The following TMTC2 variants were observed in gnomAD, a reference collection of about 807,000 sequenced individuals.
TMTC2 encodes the protein transmembrane O-mannosyltransferase targeting cadherins 2.
In TMTC2, 43 loss-of-function variants were observed where a neutral mutation model predicts 82.4. That is an observed-to-expected ratio of 0.52 (90% CI 0.41 to 0.67). The LOEUF is 0.67. Among genes scored for constraint, TMTC2 ranks in the 30% least tolerant of loss-of-function variants. The pLI, the probability that TMTC2 is intolerant of heterozygous loss-of-function variation, is 0.00. For missense variants in TMTC2, 919 were observed against 1,012.4 expected, an observed-to-expected ratio of 0.91 and a Z score of 1.25; for synonymous variants, 408 against 381.9, an observed-to-expected ratio of 1.07 and a Z score of -0.80.
chr12:83,113,968 G>A (rs994126609), intron 11 of TMTC2, among the ~76,000 whole-genome samples: 4 of 152,104 alleles, frequency 2.6e-5, no homozygotes, highest in Admixed American at 2.6e-4. Context: ...TTCATTCTGC[G>A]AGTGGACAGT....
intron 10 of TMTC2, among the ~76,000 whole-genome samples, chr12:83,061,365 C>G (rs1882733486): frequency 6.6e-6 from 1 of 151,720 alleles, no homozygotes; most frequent in South Asian, 2.1e-4. Flanking sequence ...TCCTGCAGAT[C>G]TTTACTGTTT....
chr12:83,094,640 G>A (rs1035596990), intron 11 of TMTC2, among the ~76,000 whole-genome samples: 5 of 152,154 alleles, frequency 3.3e-5, no homozygotes, highest in African/African-American at 1.2e-4. Flanking sequence ...TTGAACTAGG[G>A]CAGTAGTAAG....
intron 2 of TMTC2, among the ~76,000 whole-genome samples, chr12:82,859,989 T>G (rs930683369): frequency 2.0e-5 from 3 of 152,132 alleles, no homozygotes; most frequent in Admixed American, 6.5e-5. Context: ...TGTTGTTGTT[T>G]TTGAGACCGA....
chr12:82,725,591 C>T (rs1371227589), intron 1 of TMTC2, among the ~76,000 whole-genome samples: 5 of 152,068 alleles, frequency 3.3e-5, no homozygotes, highest in Non-Finnish European at 7.4e-5. Flanking sequence ...TATGAGTGAC[C>T]ATGGCCCATG....
At chr12:83,005,721 C>T (rs1277254515) in intron 8 of TMTC2, among the ~76,000 whole-genome samples, 1 of 152,164 alleles carries the variant, frequency 6.6e-6, no homozygotes, top group Non-Finnish European at 1.5e-5. Flanking sequence ...CGGGGAATTG[C>T]CCCAGGGTGG....
intron 2 of TMTC2, among the ~76,000 whole-genome samples, chr12:82,868,436 A>G (rs539666263): frequency 2.2e-4 from 33 of 152,316 alleles, no homozygotes; most frequent in Non-Finnish European, 3.4e-4. Context: ...TTTGATTGAG[A>G]TTGATAACAA....
chr12:82,865,187 C>A (rs1478185205), intron 2 of TMTC2, among the ~76,000 whole-genome samples: 1 of 152,046 alleles, frequency 6.6e-6, no homozygotes, highest in African/African-American at 2.4e-5. Context: ...GATCGCGTCG[C>A]TGCACTCCAG....
Position 82,941,478 on chromosome 12 carries a change from A to G in TMTC2, c.1598+10933A>G, listed in dbSNP as rs1439083697. On this transcript the variant is annotated intron_variant, in intron 4 of 11. Coordinates refer to ENST00000321196, the MANE Select transcript of TMTC2 (RefSeq NM_152588.3). The stretch of plus-strand genomic sequence containing the variant: ...GACTAATTAATGAGATAATAAACTA[A>G]TGAGTAATCTAATAACTGGATATAA... Among the ~76,000 whole-genome samples the G allele has an allele frequency of 4.6e-5, 7 of 152,346 alleles. No individual in the cohort carries two copies. The South Asian group carries it at 8.3e-4, about 18-fold the overall frequency.
intron 1 of TMTC2, among the ~76,000 whole-genome samples, chr12:82,814,477 C>T (rs1428290839): frequency 6.6e-6 from 1 of 152,062 alleles, no homozygotes; most frequent in Non-Finnish European, 1.5e-5. Context: ...ACATCAAGTG[C>T]CATGACAAAA....
Position 82,895,937 on chromosome 12 carries a change from C to A in TMTC2, c.774C>A (p.Asn258Lys). The A allele has an allele frequency of 6.2e-7, 1 of 1,613,956 alleles. No homozygotes were observed. The change falls in exon 3 of 12, where the codon AAC becomes AAA. Residue 258 changes from asparagine to lysine, a missense_variant. Coordinates refer to ENST00000321196, the MANE Select transcript of TMTC2 (RefSeq NM_152588.3). ...NKPPSFSNSD[N>K]PAADSDSLLT... is the part of the protein sequence containing the mutation. ...CACCAAGCTTTTCCAACTCGGACAA[C>A]CCCGCTGCTGATTCGGACAGCCTCC...
intron 1 of TMTC2, among the ~76,000 whole-genome samples, chr12:82,712,451 G>T (rs1181503828): frequency 9.3e-6 from 1 of 107,596 alleles, no homozygotes; most frequent in African/African-American, 3.3e-5. Context: ...AAAAAAAAAA[G>T]CCACCTCACA....
At chr12:82,779,409 C>T (rs949423533) in intron 1 of TMTC2, among the ~76,000 whole-genome samples, 3 of 152,034 alleles carry the variant, frequency 2.0e-5, no homozygotes, top group African/African-American at 7.2e-5. Flanking sequence ...GTATAACTCA[C>T]ATTTATTATA....
chr12:82,811,138 A>G (rs1341569162), intron 1 of TMTC2, among the ~76,000 whole-genome samples: 1 of 152,122 alleles, frequency 6.6e-6, no homozygotes, highest in African/African-American at 2.4e-5. Context: ...AGGCAGGAGA[A>G]TCACTTGAAC....
At chr12:82,877,748 C>G (rs1035726996) in intron 2 of TMTC2, among the ~76,000 whole-genome samples, 1 of 152,100 alleles carries the variant, frequency 6.6e-6, no homozygotes, top group African/African-American at 2.4e-5. Context: ...GAAATTATTT[C>G]TACAGTAAAG....
chr12:82,896,741 A>C, intron 3 of TMTC2, 95 bp downstream of exon 3: 3 of 995,356 alleles, frequency 3.0e-6, no homozygotes, highest in Admixed American at 2.8e-5. Flanking sequence ...TTAAGGAGGA[A>C]GAGGTCCTTT....
chr12:83,058,505 G>C (rs999755708), intron 10 of TMTC2, among the ~76,000 whole-genome samples: 4 of 151,828 alleles, frequency 2.6e-5, no homozygotes, highest in African/African-American at 9.7e-5. Flanking sequence ...AGCTATGATA[G>C]GTAGGAGTTG....
chr12:82,918,685 T>C (rs1875170631), intron 3 of TMTC2, among the ~76,000 whole-genome samples: 2 of 151,902 alleles, frequency 1.3e-5, no homozygotes, highest in African/African-American at 4.8e-5. Flanking sequence ...GAAATTCATT[T>C]ATCTTTTTAT....
Position 82,965,620 on chromosome 12 carries a change from G to C in TMTC2, c.1745G>C (p.Arg582Pro). ...CAAGGAAGGACGGAAGAAGCCCGAC[G>C]GACATTCTTAAAGTGTTCGGAGATC... ...MNQGRTEEARRTFLKCSEIPD... is the reference protein window; with the variant it reads ...MNQGRTEEARPTFLKCSEIPD... Residue 582 changes from arginine to proline, a missense_variant, in exon 6 of 12, where the codon CGG becomes CCG. Coordinates refer to ENST00000321196, the MANE Select transcript of TMTC2 (RefSeq NM_152588.3). The C allele has an allele frequency of 6.2e-7, 1 of 1,613,728 alleles. No individual in the cohort carries two copies. Among genetic ancestry groups the C allele is most frequent in the Non-Finnish European group, 8.5e-7 (1 of 1,179,744 alleles).
chr12:82,883,281 C>T (rs1014844034), intron 2 of TMTC2, among the ~76,000 whole-genome samples: 4 of 151,854 alleles, frequency 2.6e-5, no homozygotes, highest in African/African-American at 4.8e-5. Context: ...GAAGACATAG[C>T]GTAATTATAG....
Sources: gnomAD v4.1 joint callset for allele counts (sites outside exome capture counted in the v4.1 genomes callset) on GRCh38, gnomAD v4.1.1 for gene constraint, MANE v1.5 for transcripts, NCBI Gene and HGNC (gene_info 2026-07-23, HGNC 2026-07-21) for gene names.